The following TSHZ3 variants were observed in gnomAD, a reference collection of about 807,000 sequenced individuals.
TSHZ3 encodes teashirt homolog 3.
A neutral mutation model predicts 64.5 loss-of-function variants in TSHZ3; 10 were observed. The ratio of observed to expected loss-of-function variants is 0.16; its 90% CI spans 0.10 to 0.26. TSHZ3 has a LOEUF of 0.26. Among genes scored for constraint, TSHZ3 ranks in the 10% least tolerant of loss-of-function variants. The probability of loss-of-function intolerance (pLI) is 1.00; values close to 1 mark genes in which losing one functional copy is unlikely to be tolerated. For synonymous variants in TSHZ3, 608 were observed against 593.1 expected, an observed-to-expected ratio of 1.03 and a Z score of -0.36; for missense variants, 1,242 against 1,421.7, an observed-to-expected ratio of 0.87 and a Z score of 2.03.
At chr19:31,309,173 G>A (rs1035622404) in intron 1 of TSHZ3, among the ~76,000 whole-genome samples, 6 of 152,234 alleles carry the variant, frequency 3.9e-5, no homozygotes, top group Admixed American at 6.5e-5. Flanking sequence ...CGCTTTGTAC[G>A]GGGCCCTGGG....
At chr19:31,281,285 C>A (rs538747348) in intron 1 of TSHZ3, among the ~76,000 whole-genome samples, 1 of 152,132 alleles carries the variant, frequency 6.6e-6, no homozygotes, top group Admixed American at 6.5e-5. Context: ...TGAAGTCAAG[C>A]AGATAGGCCC....
In TSHZ3 at chr19:31,345,688, GT is replaced by G. The variant is rs11377611; in HGVS notation, c.40+3491del. On this transcript the variant is annotated intron_variant, in intron 1 of 1. Coordinates refer to ENST00000240587, the MANE Select transcript of TSHZ3 (RefSeq NM_020856.4). ...ATGGTTTCTTTTTGTTTTTTGTTTGGTTTTTTTTTCTTTTGGAAGCATAAGA... is the reference window on the plus strand; with the variant it reads ...ATGGTTTCTTTTTGTTTTTTGTTTGGTTTTTTTTCTTTTGGAAGCATAAGA... Among the ~76,000 whole-genome samples, 10 of 151,046 alleles carry G rather than the reference GT, an allele frequency of 6.6e-5. No individual in the cohort carries two copies. The East Asian group carries it at 1.9e-3, about 29-fold the overall frequency.
At chr19:31,156,470 G>A (rs1599551195) in intron 5 of TSHZ3, among the ~76,000 whole-genome samples, 1 of 152,262 alleles carries the variant, frequency 6.6e-6, no homozygotes, top group East Asian at 1.9e-4. Context: ...ACTGGCACCA[G>A]TTTTTGTCGG....
intron 1 of TSHZ3, among the ~76,000 whole-genome samples, chr19:31,332,549 G>A (rs1212222816): frequency 5.3e-5 from 8 of 152,150 alleles, no homozygotes; most frequent in African/African-American, 9.7e-5. Context: ...ATTGGGGAAC[G>A]GAGATGTGCC....
intron 1 of TSHZ3, among the ~76,000 whole-genome samples, chr19:31,297,790 G>T (rs1437997488): frequency 6.6e-6 from 1 of 152,136 alleles, no homozygotes; most frequent in East Asian, 1.9e-4. Flanking sequence ...AAGTGCTCTA[G>T]AAACACACAG....
chr19:31,344,825 T>C (rs527549109), intron 1 of TSHZ3, among the ~76,000 whole-genome samples: 60 of 152,338 alleles, frequency 3.9e-4, no homozygotes, highest in Non-Finnish European at 7.2e-4. Context: ...TTCATTCTAA[T>C]CACTTGACAA....
chr19:31,160,708 A>G (rs1974364460), intron 5 of TSHZ3, among the ~76,000 whole-genome samples: 2 of 152,002 alleles, frequency 1.3e-5, no homozygotes, highest in Non-Finnish European at 2.9e-5. Flanking sequence ...ACACATATAC[A>G]CACGTATATA....
At chr19:31,290,801 G>A (rs1419681898) in intron 1 of TSHZ3, among the ~76,000 whole-genome samples, 1 of 152,182 alleles carries the variant, frequency 6.6e-6, no homozygotes, top group East Asian at 1.9e-4. Flanking sequence ...GGCTCTGGGG[G>A]AAGGAAAAGT....
At chr19:31,214,909 G>GAAAA (rs950173415) in intron 4 of TSHZ3, among the ~76,000 whole-genome samples, 13 of 41,828 alleles carry the variant, frequency 3.1e-4, no homozygotes, top group East Asian at 7.5e-4. Flanking sequence ...CTCTGTCTCA[G>GAAAA]AAAAAAAAAA....
At chr19:31,162,453 G>T (rs1172838235) in intron 5 of TSHZ3, among the ~76,000 whole-genome samples, 1 of 152,090 alleles carries the variant, frequency 6.6e-6, no homozygotes, top group East Asian at 1.9e-4. Context: ...GCCCAAATTT[G>T]TTTCAGACAC....
intron 5 of TSHZ3, among the ~76,000 whole-genome samples, chr19:31,168,690 A>T (rs1974491632): frequency 6.6e-6 from 1 of 152,198 alleles, no homozygotes; most frequent in Admixed American, 6.5e-5. Context: ...CTAGATTTTG[A>T]CACCACTTAA....
chr19:31,349,617 C>G, upstream of TSHZ3: 1 of 165,516 alleles, frequency 6.0e-6, no homozygotes, highest in Non-Finnish European at 1.3e-5. Context: ...CCCCCCCCGC[C>G]CCGTCCCCAG....
At chr19:31,289,025 C>A (rs78639199) in intron 1 of TSHZ3, among the ~76,000 whole-genome samples, 1 of 152,182 alleles carries the variant, frequency 6.6e-6, no homozygotes, top group Non-Finnish European at 1.5e-5. Flanking sequence ...ATGCAACTGG[C>A]CACATCCGCC....
At chr19:31,267,763 G>A (rs1006740767) in intron 1 of TSHZ3, among the ~76,000 whole-genome samples, 1 of 152,152 alleles carries the variant, frequency 6.6e-6, no homozygotes, top group African/African-American at 2.4e-5. Flanking sequence ...CAGGATATCA[G>A]AGCACCTTCT....
Position 31,237,427 on chromosome 19 carries a change from A to G in TSHZ3, n.550+4842T>C, listed in dbSNP as rs184388208. ...TTTAAATTCTTCTAAATATGTATTA[A>G]CATTCTACAGGATATGTATTAATAT... On this transcript the variant is annotated intron_variant and non_coding_transcript_variant, in intron 3 of 6. Transcript: ENST00000651361. 2.6e-3 allele frequency among the ~76,000 whole-genome samples: 398 copies of G among 152,254 alleles called. 3 individuals are homozygous for G. The highest frequency in any genetic ancestry group is 9.1e-3 in the African/African-American group (378 of 41,558).
chr19:31,311,706 G>A (rs1945235199), intron 1 of TSHZ3, among the ~76,000 whole-genome samples: 1 of 152,106 alleles, frequency 6.6e-6, no homozygotes, highest in South Asian at 2.1e-4. Context: ...AGAGATCTTT[G>A]AGCAGAGCCA....
At chr19:31,211,173 CAG>C (rs1338767073) in intron 4 of TSHZ3, among the ~76,000 whole-genome samples, 1 of 152,196 alleles carries the variant, frequency 6.6e-6, no homozygotes, top group Admixed American at 6.5e-5. Flanking sequence ...GAGTCCATGA[CAG>C]AGAGACTCAG....
chr19:31,187,708 T>C (rs1017168016), intron 5 of TSHZ3, among the ~76,000 whole-genome samples: 1 of 152,168 alleles, frequency 6.6e-6, no homozygotes, highest in Non-Finnish European at 1.5e-5. Flanking sequence ...CCTTTTCTCA[T>C]TGAATTGCCT....
chr19:31,317,436 C>T (rs895492884), intron 1 of TSHZ3, among the ~76,000 whole-genome samples: 3 of 152,156 alleles, frequency 2.0e-5, no homozygotes, highest in African/African-American at 7.2e-5. Context: ...CCATACAACC[C>T]AGGACCTGCC....
Sources: gnomAD v4.1 joint callset for allele counts (sites outside exome capture counted in the v4.1 genomes callset) on GRCh38, gnomAD v4.1.1 for gene constraint, MANE v1.5 for transcripts, NCBI Gene and HGNC (gene_info 2026-07-23, HGNC 2026-07-21) for gene names.